CPSF2: variants seen among roughly 807,000 people sequenced by gnomAD.
CPSF2 encodes cleavage and polyadenylation specificity factor subunit 2.
In CPSF2, 51 loss-of-function variants were observed where a neutral mutation model predicts 84.2. The ratio of observed to expected loss-of-function variants is 0.61; its 90% CI spans 0.48 to 0.77. CPSF2 has a LOEUF of 0.77. Among genes scored for constraint, CPSF2 ranks in the 30% least tolerant of loss-of-function variants. The probability of loss-of-function intolerance (pLI) is 0.00; values close to 1 mark genes in which losing one functional copy is unlikely to be tolerated. For synonymous variants in CPSF2, 286 were observed against 311.9 expected, an observed-to-expected ratio of 0.92 and a Z score of 0.87; for missense variants, 641 against 929.4, an observed-to-expected ratio of 0.69 and a Z score of 4.03.
In CPSF2 at chr14:92,148,429, T is replaced by C. The variant is rs116267491; in HGVS notation, c.1140+5135T>C. Among the ~76,000 whole-genome samples the C allele has an allele frequency of 2.6e-5, 4 of 152,156 alleles. 1 individual carries two copies. The East Asian group carries it at 7.7e-4, about 29-fold the overall frequency. ...ATCCATTGAAATCAGGAAATCAACA[T>C]TGATACCATCCTACCATTTCACCCA... On this transcript the variant is annotated intron_variant, in intron 9 of 15. Transcript: ENST00000298875.
At chr14:92,160,115 A>G (rs1186975404) in intron 14 of CPSF2, among the ~76,000 whole-genome samples, 1 of 152,124 alleles carries the variant, frequency 6.6e-6, no homozygotes, top group Non-Finnish European at 1.5e-5. Context: ...GGCATGAGCC[A>G]CTGGGCCCGG....
intron 10 of CPSF2, among the ~76,000 whole-genome samples, chr14:92,154,866 T>C (rs2069268301): frequency 1.3e-5 from 2 of 152,228 alleles, no homozygotes; most frequent in East Asian, 3.8e-4. Context: ...CATGTTACTG[T>C]ACTGAATACT....
At chr14:92,128,350 G>A (rs574443127) in intron 2 of CPSF2, among the ~76,000 whole-genome samples, 14 of 152,304 alleles carry the variant, frequency 9.2e-5, no homozygotes, top group African/African-American at 2.9e-4. Context: ...GGGCGTGGTG[G>A]TGCATGCCTG....
chr14:92,165,807 G>A lies in CPSF2; in HGVS notation c.*4063G>A, dbSNP rs1197265609. On this transcript the variant is annotated 3_prime_UTR_variant, in exon 16 of 16. Coordinates refer to ENST00000298875, the MANE Select transcript of CPSF2 (RefSeq NM_017437.3). ...CACAAAAGTTTTTAATTTTGATAAA[G>A]TCCAGTTTGTTTTTTTCCCTTCAGT... 7.1e-6 allele frequency: 1 copy of A among 140,710 alleles called. No homozygotes were observed. Among genetic ancestry groups the A allele is most frequent in the Non-Finnish European group, 1.5e-5 (1 of 65,070 alleles). 8.7% of individuals were successfully genotyped at this position (140,710 alleles called of 1,614,324 possible).
intron 6 of CPSF2, among the ~76,000 whole-genome samples, chr14:92,136,557 G>A (rs1216634925): frequency 1.3e-5 from 2 of 152,194 alleles, no homozygotes. Flanking sequence ...CAATTAAGCA[G>A]CTGACCAATT....
At chr14:92,128,779 A>G (rs2068876984) in intron 2 of CPSF2, among the ~76,000 whole-genome samples, 1 of 152,214 alleles carries the variant, frequency 6.6e-6, no homozygotes, top group African/African-American at 2.4e-5. Flanking sequence ...AAGGTGTTAG[A>G]GAATGAGATG....
At position 92,131,039 on chromosome 14, in the gene CPSF2, C is replaced by A. The variant is rs925227748; in HGVS notation, c.55C>A (p.Leu19Ile). The A allele has an allele frequency of 3.6e-5, 58 of 1,612,734 alleles. No homozygotes were observed. The highest frequency in any genetic ancestry group is 4.7e-5 in the Non-Finnish European group (56 of 1,179,440). The change falls in exon 3 of 16, where the codon CTT becomes ATT. Residue 19 changes from leucine (L) to isoleucine (I), a missense_variant. By Grantham distance (5) the Leu-to-Ile change is conservative (BLOSUM62 2). Coordinates refer to ENST00000298875, the MANE Select transcript of CPSF2 (RefSeq NM_017437.3). ...TLSGVQEESA[L>I]CYLLQVDEFR... ...TTCTGGGGTCCAAGAAGAATCTGCC[C>A]TTTGCTATCTTCTCCAAGTTGATGA...
intron 8 of CPSF2, 152 bp downstream of exon 8, chr14:92,142,503 G>A: frequency 1.8e-6 from 1 of 567,642 alleles, no homozygotes; most frequent in Non-Finnish European, 3.1e-6. Flanking sequence ...TGTCCTGTGT[G>A]CTTTAAATGT....
chr14:92,161,290 G>C, intron 15 of CPSF2, 44 bp downstream of exon 15: 1 of 1,540,922 alleles, frequency 6.5e-7, no homozygotes, highest in Non-Finnish European at 8.7e-7. Flanking sequence ...ACATACGTCT[G>C]ATGTTTTGTC....
chr14:92,154,982 G>C, intron 10 of CPSF2, 141 bp from the exon 11 acceptor site: 1 of 615,276 alleles, frequency 1.6e-6, no homozygotes. Flanking sequence ...GTGGTCTATT[G>C]TTGTTGACCG....
At chr14:92,134,951 G>A (rs1435001823) in intron 5 of CPSF2, among the ~76,000 whole-genome samples, 1 of 152,128 alleles carries the variant, frequency 6.6e-6, no homozygotes, top group African/African-American at 2.4e-5. Flanking sequence ...TAATTTTTCT[G>A]CAGGATAAAT....
At position 92,155,131 on chromosome 14, in the gene CPSF2, T is replaced by G; in HGVS notation, c.1250T>G (p.Ile417Arg). 6.2e-7 allele frequency: 1 copy of G among 1,612,054 alleles called. No individual in the cohort carries two copies. The highest frequency in any genetic ancestry group is 8.5e-7 in the Non-Finnish European group (1 of 1,178,138). The stretch of plus-strand genomic sequence containing the variant: ...TTCTAAAATCCTCCTAGGGCAGATA[T>G]AGATTCCAGTGATGAGAGTGATATT... ...KKLEQSKEADIDSSDESDIEE... is the reference protein window; with the variant it reads ...KKLEQSKEADRDSSDESDIEE... The change falls in exon 11 of 16, where the codon ATA (isoleucine) becomes AGA (arginine). Residue 417 changes from isoleucine to arginine, a missense_variant. Ile to Arg is a moderately conservative substitution (Grantham distance 97, BLOSUM62 -3). Transcript: ENST00000298875.
chr14:92,142,253 G>C lies in CPSF2; in HGVS notation c.751G>C (p.Asp251His). 1 of 1,614,076 alleles carries C rather than the reference G, an allele frequency of 6.2e-7. No homozygotes were observed. The highest frequency in any genetic ancestry group is 8.5e-7 in the Non-Finnish European group (1 of 1,179,958). ...GRVLELAQLL[D>H]QIWRTKDAGL... ...AGTTTTGGAACTTGCTCAACTTCTT[G>C]ATCAGATTTGGAGGACTAAAGATGC... The change falls in exon 8 of 16, where the codon GAT becomes CAT. Residue 251 changes from aspartate to histidine, a missense_variant. Physicochemically the swap from Asp to His is moderately conservative, Grantham distance 81. Transcript: ENST00000298875.
intron 1 of CPSF2, among the ~76,000 whole-genome samples, chr14:92,123,687 C>T (rs2068809212): frequency 6.6e-6 from 1 of 152,220 alleles, no homozygotes; most frequent in Admixed American, 6.5e-5. Flanking sequence ...GCGCAAGCCA[C>T]TGCGCCCGGC....
chr14:92,156,349 C>T (rs2069289829), intron 11 of CPSF2, 130 bp from the exon 12 acceptor site: 2 of 714,850 alleles, frequency 2.8e-6, no homozygotes, highest in Non-Finnish European at 4.4e-6. Context: ...ATTGCATCAG[C>T]TTTGGATGAA....
intron 9 of CPSF2, chr14:92,154,148 C>A: frequency 2.7e-6 from 1 of 373,844 alleles, no homozygotes; most frequent in Non-Finnish European, 4.9e-6. Context: ...AAATTAAACC[C>A]ATTCTAGATG....
rs2068967224 is a variant in CPSF2 at position 92,133,933 on chromosome 14, T to C, written c.150-78T>C. ...CCCCAGTGTAGTCTTCAATCCAGAATTGGTGAATAATTTTGAATATTCTGT... is the reference window on the plus strand; with the variant it reads ...CCCCAGTGTAGTCTTCAATCCAGAACTGGTGAATAATTTTGAATATTCTGT... On this transcript the variant is annotated intron_variant, in intron 3 of 15. Transcript: ENST00000298875. 11 of 1,461,058 alleles carry C rather than the reference T, an allele frequency of 7.5e-6. No individual in the cohort carries two copies. The East Asian group carries it at 1.6e-4, about 21-fold the overall frequency. 90.5% of individuals were successfully genotyped at this position (1,461,058 alleles called of 1,614,324 possible). A position where few individuals can be genotyped will look rare whatever the true frequency, so the allele number is the denominator to read the frequency against.
At position 92,157,776 on chromosome 14, in the gene CPSF2, T is replaced by C; in HGVS notation, c.1713T>C (p.Ser571=). Residue 571 remains serine, a synonymous_variant, in exon 13 of 16, where the codon AGT becomes AGC. Transcript: ENST00000298875. The surrounding 1 kb of genome is among the most constrained non-coding windows in gnomAD (Gnocchi z 4.0). ...LIIVHGPPEA[S]QDLAECCRAF... is the part of the protein sequence containing the mutation. ...TCGTCCATGGCCCACCAGAGGCCAG[T>C]CAAGATCTGGCAGAGTGCTGTCGCG... 6.2e-7 allele frequency: 1 copy of C among 1,613,866 alleles called. No homozygotes were observed. Among genetic ancestry groups the C allele is most frequent in the Non-Finnish European group, 8.5e-7 (1 of 1,179,766 alleles).
chr14:92,123,914 A>G (rs2068813146), intron 1 of CPSF2, among the ~76,000 whole-genome samples: 1 of 152,232 alleles, frequency 6.6e-6, no homozygotes, highest in Non-Finnish European at 1.5e-5. Context: ...CATTCAACAA[A>G]TACTTTATGT....
Sources: allele counts gnomAD v4.1 joint callset (sites outside exome capture counted in the v4.1 genomes callset), GRCh38; gene constraint gnomAD v4.1.1; non-coding constraint Gnocchi (gnomAD v3.1); transcripts MANE v1.5; gene names NCBI Gene and HGNC (gene_info 2026-07-23, HGNC 2026-07-21).